DCAF6: variants seen among roughly 807,000 people sequenced by gnomAD.
DCAF6 encodes DDB1 and CUL4 associated factor 6, also known as DDB1- and CUL4-associated factor 6.
In DCAF6, 54 loss-of-function variants were observed where a neutral mutation model predicts 125.1. The ratio of observed to expected loss-of-function variants is 0.43; its 90% CI spans 0.35 to 0.54. DCAF6 has a LOEUF of 0.54. DCAF6 is among the 20% of genes least tolerant of loss of function. DCAF6 has a pLI of 0.01. For missense variants in DCAF6, 934 were observed against 1,161.7 expected, an observed-to-expected ratio of 0.80 and a Z score of 2.85; for synonymous variants, 371 against 390.4, an observed-to-expected ratio of 0.95 and a Z score of 0.58.
upstream of DCAF6, among the ~76,000 whole-genome samples, chr1:167,934,670 ACT>A (rs1671016456): frequency 6.6e-6 from 1 of 152,230 alleles, no homozygotes; most frequent in African/African-American, 2.4e-5. Context: ...TAATGGGGGA[ACT>A]AGACAACTTT....
At chr1:167,895,383 TC>T in the DCAF6 span, among the ~76,000 whole-genome samples, 1 of 152,034 alleles carries the variant, frequency 6.6e-6, no homozygotes, top group Non-Finnish European at 1.5e-5. Context: ...TTGTACAGTC[TC>T]CCCACTCCCC....
intron 7 of DCAF6, among the ~76,000 whole-genome samples, chr1:167,996,147 T>C (rs10489205): frequency 0.03 from 4,563 of 152,270 alleles, 232 homozygotes; most frequent in African/African-American, 0.1. Context: ...TGTGGAGGCC[T>C]TTCTATTTCC....
At chr1:168,022,287 G>A (rs968498931) in intron 11 of DCAF6, among the ~76,000 whole-genome samples, 3 of 152,124 alleles carry the variant, frequency 2.0e-5, no homozygotes, top group East Asian at 1.9e-4. Context: ...AGATAAGAAC[G>A]AAGCTGTTCT....
chr1:167,990,214 A>T (rs1410027294), intron 5 of DCAF6, among the ~76,000 whole-genome samples: 1 of 152,080 alleles, frequency 6.6e-6, no homozygotes, highest in African/African-American at 2.4e-5. Flanking sequence ...ATTTTTTTTA[A>T]AAAATTAGCC....
intron 7 of DCAF6, among the ~76,000 whole-genome samples, chr1:167,996,432 G>T (rs73026149): frequency 6.6e-6 from 1 of 151,936 alleles, no homozygotes; most frequent in Non-Finnish European, 1.5e-5. Context: ...CACCCTTGCT[G>T]CATTACCACC....
chr1:167,933,073 T>C (rs1670957306), upstream of DCAF6, among the ~76,000 whole-genome samples: 1 of 151,620 alleles, frequency 6.6e-6, no homozygotes. Context: ...CAAAAACACA[T>C]AGGCAAATGG....
chr1:167,894,030 T>A, the DCAF6 span: 1 of 853,454 alleles, frequency 1.2e-6, no homozygotes, highest in Non-Finnish European at 2.0e-6. Flanking sequence ...CCTATTCTCT[T>A]GGGCAGTGGG....
At chr1:167,979,607 C>G (rs2102928744) in intron 4 of DCAF6, among the ~76,000 whole-genome samples, 1 of 152,292 alleles carries the variant, frequency 6.6e-6, no homozygotes, top group East Asian at 1.9e-4. Flanking sequence ...TTTATCTAGG[C>G]TGTGTGCTGT....
chr1:167,921,518 G>A, the DCAF6 span, among the ~76,000 whole-genome samples: 7 of 152,210 alleles, frequency 4.6e-5, no homozygotes, highest in South Asian at 1.2e-3. Flanking sequence ...CACCATGCCC[G>A]GCCTTGGCTG....
chr1:167,909,007 T>C, the DCAF6 span, among the ~76,000 whole-genome samples: 1 of 152,242 alleles, frequency 6.6e-6, no homozygotes. Context: ...TACCCATTCA[T>C]AGCAAGAAGG....
intron 12 of DCAF6, among the ~76,000 whole-genome samples, chr1:168,027,795 A>G (rs1301842264): frequency 6.6e-6 from 1 of 152,106 alleles, no homozygotes; most frequent in Non-Finnish European, 1.5e-5. Context: ...GTTGAGTGCA[A>G]CTGGTGTCTT....
chr1:168,061,932 C>T (rs1391912968), intron 17 of DCAF6, among the ~76,000 whole-genome samples: 2 of 152,024 alleles, frequency 1.3e-5, no homozygotes, highest in Non-Finnish European at 2.9e-5. Flanking sequence ...TAAATATGTA[C>T]ACAGTTCACC....
chr1:167,956,058 G>C (rs554704877), intron 2 of DCAF6, among the ~76,000 whole-genome samples: 38 of 152,244 alleles, frequency 2.5e-4, no homozygotes, highest in Admixed American at 2.0e-4. Context: ...GAGCCGCTGT[G>C]CTTAGCTAAG....
chr1:167,938,275 T>TGTGC (rs1671657594), intron 1 of DCAF6, among the ~76,000 whole-genome samples: 3 of 152,030 alleles, frequency 2.0e-5, no homozygotes, highest in Admixed American at 2.0e-4. Context: ...TGTGTGTTTG[T>TGTGC]GTGTGTATGA....
upstream of DCAF6, among the ~76,000 whole-genome samples, chr1:167,935,347 T>A (rs2102567778): frequency 6.6e-6 from 1 of 152,270 alleles, no homozygotes; most frequent in African/African-American, 2.4e-5. Flanking sequence ...AAACCACCCA[T>A]CCAGCTCTGC....
intron 17 of DCAF6, among the ~76,000 whole-genome samples, chr1:168,057,526 C>G (rs1691033538): frequency 6.6e-6 from 1 of 152,132 alleles, no homozygotes; most frequent in Admixed American, 6.5e-5. Flanking sequence ...ATACTTTGAG[C>G]TGTTTCATTA....
the DCAF6 span, among the ~76,000 whole-genome samples, chr1:167,904,154 C>G: frequency 4.4e-5 from 6 of 137,606 alleles, no homozygotes; most frequent in Non-Finnish European, 9.1e-5. Flanking sequence ...ATGGTGTGAT[C>G]TCAGCTCACT....
At chr1:167,864,730 AG>A in the DCAF6 span, among the ~76,000 whole-genome samples, 1 of 152,190 alleles carries the variant, frequency 6.6e-6, no homozygotes. Flanking sequence ...TGATAATTAA[AG>A]GTATTCTCCG....
the DCAF6 span, chr1:167,920,396 C>T: frequency 2.4e-6 from 2 of 834,222 alleles, no homozygotes; most frequent in South Asian, 2.0e-5. Context: ...ACTCCTCCAT[C>T]CATAACTTAA....
Sources: gnomAD v4.1 joint callset for allele counts (sites outside exome capture counted in the v4.1 genomes callset) on GRCh38, gnomAD v4.1.1 for gene constraint, MANE v1.5 for transcripts, NCBI Gene and HGNC (gene_info 2026-07-23, HGNC 2026-07-21) for gene names.